NRXN1: variants seen among roughly 807,000 people sequenced by gnomAD.
The protein encoded by NRXN1 is neurexin 1, also known as neurexin-1.
Under a neutral mutation model 150.9 loss-of-function variants are expected in NRXN1, and 39 were observed. That is an observed-to-expected ratio of 0.26 (90% confidence interval 0.20 to 0.34). The LOEUF (loss-of-function observed/expected upper bound fraction) is 0.34. Among genes scored for constraint, NRXN1 ranks in the 10% least tolerant of loss-of-function variants. The probability of loss-of-function intolerance (pLI) is 1.00; values close to 1 mark genes in which losing one functional copy is unlikely to be tolerated. For synonymous variants in NRXN1, 924 were observed against 757.0 expected (o/e 1.22, Z -3.62); for missense variants, 1,815 against 1,949.9 (o/e 0.93, Z 1.30).
chr2:50,447,695 G>C (rs1241979422), intron 17 of NRXN1, among the ~76,000 whole-genome samples: 1 of 129,530 alleles, frequency 7.7e-6, no homozygotes, highest in Non-Finnish European at 1.6e-5. Context: ...AGTGCTGGGA[G>C]ATTCCTAGAT....
chr2:50,454,515 T>G (rs1573036464), intron 17 of NRXN1, among the ~76,000 whole-genome samples: 2 of 152,000 alleles, frequency 1.3e-5, no homozygotes, highest in South Asian at 4.1e-4. Flanking sequence ...ACACAGAACC[T>G]TTACTCAAAG....
intron 21 of NRXN1, among the ~76,000 whole-genome samples, chr2:50,018,103 A>C (rs1420193784): frequency 1.3e-5 from 2 of 152,156 alleles, no homozygotes; most frequent in Non-Finnish European, 2.9e-5. Flanking sequence ...ACCCTGGTGA[A>C]CTGAAAAAGT....
chr2:50,227,260 G>A (rs139907515), intron 18 of NRXN1, among the ~76,000 whole-genome samples: 4 of 151,696 alleles, frequency 2.6e-5, no homozygotes, highest in African/African-American at 7.3e-5. Context: ...CTAAGTGTCC[G>A]TGTCTATAAT....
intron 17 of NRXN1, among the ~76,000 whole-genome samples, chr2:50,332,497 C>T (rs2076899349): frequency 1.3e-5 from 2 of 152,192 alleles, no homozygotes; most frequent in South Asian, 4.1e-4. Flanking sequence ...AAGCATTCAC[C>T]TTCACCTAGT....
intron 5 of NRXN1, among the ~76,000 whole-genome samples, chr2:50,880,450 T>C (rs1679270353): frequency 6.6e-6 from 1 of 152,022 alleles, no homozygotes; most frequent in Non-Finnish European, 1.5e-5. Context: ...CTTCACAATT[T>C]ATAAGCATTA....
At chr2:50,338,035 C>A (rs538764680) in intron 17 of NRXN1, among the ~76,000 whole-genome samples, 2 of 152,326 alleles carry the variant, frequency 1.3e-5, no homozygotes, top group East Asian at 3.9e-4. Flanking sequence ...TCATCAACAA[C>A]TCCTCTATAT....
chr2:50,247,316 T>C (rs984554266), intron 17 of NRXN1, among the ~76,000 whole-genome samples: 26 of 152,088 alleles, frequency 1.7e-4, no homozygotes, highest in Non-Finnish European at 2.2e-4. Context: ...TTCACTTGAA[T>C]AGCATAGCCA....
chr2:51,017,539 T>TTTTTTA (rs1668903532), intron 2 of NRXN1, among the ~76,000 whole-genome samples: 2 of 98,312 alleles, frequency 2.0e-5, no homozygotes, highest in Non-Finnish European at 4.1e-5. Context: ...TTTTTTTTTT[T>TTTTTTA]AGAAATGAGG....
chr2:50,327,327 AC>A (rs1375342112), intron 17 of NRXN1, among the ~76,000 whole-genome samples: 1 of 152,208 alleles, frequency 6.6e-6, no homozygotes, highest in Admixed American at 6.5e-5. Context: ...CAACTTCAGG[AC>A]AGGGAAAATC....
intron 21 of NRXN1, among the ~76,000 whole-genome samples, chr2:50,007,279 G>A (rs1055322261): frequency 6.6e-6 from 1 of 152,088 alleles, no homozygotes; most frequent in Non-Finnish European, 1.5e-5. Flanking sequence ...CCACACATTT[G>A]AAGTCGCAGT....
chr2:50,712,901 C>T (rs564829073), intron 5 of NRXN1, among the ~76,000 whole-genome samples: 7 of 152,054 alleles, frequency 4.6e-5, no homozygotes, highest in Non-Finnish European at 1.0e-4. Flanking sequence ...AAAACTGCTC[C>T]CCAATTATTC....
chr2:50,165,180 G>A (rs1054219111), intron 18 of NRXN1, among the ~76,000 whole-genome samples: 1 of 152,164 alleles, frequency 6.6e-6, no homozygotes, highest in African/African-American at 2.4e-5. Flanking sequence ...GTATGAAGTA[G>A]AAGGTGGAAG....
chr2:50,528,686 C>T (rs1382381199), intron 11 of NRXN1, 35 bp from the exon 12 acceptor site: 1 of 1,438,792 alleles, frequency 7.0e-7, no homozygotes, highest in Non-Finnish European at 9.7e-7. Flanking sequence ...AATGAAAATT[C>T]ATCCTTCAAG....
chr2:50,341,066 T>C (rs2077517018), intron 17 of NRXN1, among the ~76,000 whole-genome samples: 2 of 151,956 alleles, frequency 1.3e-5, no homozygotes, highest in Non-Finnish European at 2.9e-5. Context: ...TTCCCTTCTA[T>C]TGGAGTACAG....
At chr2:50,326,502 G>A (rs2076393432) in intron 17 of NRXN1, among the ~76,000 whole-genome samples, 1 of 152,058 alleles carries the variant, frequency 6.6e-6, no homozygotes, top group Non-Finnish European at 1.5e-5. Flanking sequence ...TGTAGGCTCA[G>A]GCATATAATG....
intron 17 of NRXN1, among the ~76,000 whole-genome samples, chr2:50,259,798 T>C (rs1311205605): frequency 6.6e-6 from 1 of 151,908 alleles, no homozygotes; most frequent in Non-Finnish European, 1.5e-5. Flanking sequence ...TGTCCCAGGA[T>C]GTCATTTGCA....
chr2:50,026,149 T>A (rs1573480192), intron 21 of NRXN1, among the ~76,000 whole-genome samples: 1 of 152,296 alleles, frequency 6.6e-6, no homozygotes, highest in East Asian at 1.9e-4. Flanking sequence ...TGCAGCAAAC[T>A]CATGTTTCTA....
At chr2:50,533,776 T>G (rs1000970005) in intron 10 of NRXN1, among the ~76,000 whole-genome samples, 2 of 152,186 alleles carry the variant, frequency 1.3e-5, no homozygotes, top group Non-Finnish European at 2.9e-5. Context: ...ACTGAAGTGT[T>G]TGCACTTTTA....
At chr2:50,901,867 T>C (rs537811988) in intron 5 of NRXN1, among the ~76,000 whole-genome samples, 2 of 152,314 alleles carry the variant, frequency 1.3e-5, no homozygotes, top group African/African-American at 2.4e-5. Flanking sequence ...TTTCAAAATG[T>C]TTAAAAATGT....
Sources: gnomAD v4.1 joint callset for allele counts (sites outside exome capture counted in the v4.1 genomes callset) on GRCh38, gnomAD v4.1.1 for gene constraint, MANE v1.5 for transcripts, NCBI Gene and HGNC (gene_info 2026-07-23, HGNC 2026-07-21) for gene names.